Variants in CRLS1 observed in about 807,000 individuals in gnomAD.
CRLS1 encodes the protein cardiolipin synthase (CMP-forming).
In CRLS1, 24 loss-of-function variants were observed where a neutral mutation model predicts 37.0. The observed-to-expected ratio is 0.65, with a 90% confidence interval of 0.47 to 0.91. CRLS1 has a LOEUF of 0.91. Among genes scored for constraint, CRLS1 ranks in the 40% least tolerant of loss-of-function variants. CRLS1 has a pLI of 0.00. For missense variants in CRLS1, 373 were observed against 395.8 expected (o/e 0.94, Z 0.49); for synonymous variants, 135 against 159.7 (o/e 0.85, Z 1.17).
At chr20:6,026,546 G>T (rs1030436083) in intron 3 of CRLS1, among the ~76,000 whole-genome samples, 1 of 152,004 alleles carries the variant, frequency 6.6e-6, no homozygotes, top group African/African-American at 2.4e-5. Context: ...CCTCTATATT[G>T]GTTGTGTTTC....
At chr20:6,014,661 T>C (rs1373219619) in intron 2 of CRLS1, among the ~76,000 whole-genome samples, 2 of 152,174 alleles carry the variant, frequency 1.3e-5, no homozygotes, top group East Asian at 1.9e-4. Flanking sequence ...ATGGGAAGAA[T>C]TGAATACTTA....
intron 3 of CRLS1, among the ~76,000 whole-genome samples, chr20:6,026,995 A>G (rs1208924403): frequency 6.6e-6 from 1 of 152,028 alleles, no homozygotes; most frequent in African/African-American, 2.4e-5. Flanking sequence ...CAGCTTTGCT[A>G]TTGTAGCGTG....
intron 3 of CRLS1, among the ~76,000 whole-genome samples, chr20:6,019,403 G>A (rs534396879): frequency 6.6e-6 from 1 of 151,918 alleles, no homozygotes; most frequent in South Asian, 2.1e-4. Context: ...ACTCCTTGTG[G>A]AGCAGGGCTA....
chr20:6,017,799 T>C (rs1016161967), intron 3 of CRLS1, among the ~76,000 whole-genome samples: 1 of 152,218 alleles, frequency 6.6e-6, no homozygotes, highest in African/African-American at 2.4e-5. Flanking sequence ...ATCTACTCCA[T>C]TGAGGTCTGC....
At chr20:6,030,739 T>A (rs1004004505) in intron 3 of CRLS1, among the ~76,000 whole-genome samples, 42 of 152,072 alleles carry the variant, frequency 2.8e-4, no homozygotes, top group African/African-American at 1.0e-3. Context: ...AAATTCTGTT[T>A]CTCTACTAGT....
intron 3 of CRLS1, 71 bp downstream of exon 3, chr20:6,015,561 T>G: frequency 7.0e-7 from 1 of 1,436,386 alleles, no homozygotes; most frequent in Non-Finnish European, 9.8e-7. Flanking sequence ...GGATTTCTCT[T>G]GAGAGACAAA....
At chr20:6,022,885 C>T (rs1173911005) in intron 3 of CRLS1, among the ~76,000 whole-genome samples, 1 of 152,048 alleles carries the variant, frequency 6.6e-6, no homozygotes, top group Non-Finnish European at 1.5e-5. Flanking sequence ...TACAGTATAC[C>T]TATGTTAGAC....
chr20:6,035,275 C>G (rs765941365), intron 6 of CRLS1, among the ~76,000 whole-genome samples: 1 of 152,156 alleles, frequency 6.6e-6, no homozygotes, highest in Non-Finnish European at 1.5e-5. Flanking sequence ...TATCCCAGTT[C>G]ATCTTATACC....
chr20:6,006,889 C>T (rs977130103), intron 1 of CRLS1: 5 of 908,284 alleles, frequency 5.5e-6, no homozygotes, highest in South Asian at 5.1e-5. Context: ...GAAGTGAATC[C>T]CCAGTGTTTA....
At position 6,038,595 on chromosome 20, in the gene CRLS1, T is replaced by A. The variant is rs554071967; in HGVS notation, c.*1437T>A. The stretch of plus-strand genomic sequence containing the variant: ...GAGAAGGGGGCATGTGGCTGGCTAT[T>A]CTTGCTCTCTGGAGAACAGCTTCAT... On this transcript the variant is annotated 3_prime_UTR_variant, in exon 7 of 7. Coordinates refer to ENST00000378863, the MANE Select transcript of CRLS1 (RefSeq NM_019095.6). 5 of 152,462 alleles carry A rather than the reference T, an allele frequency of 3.3e-5. No homozygotes were observed. The highest frequency in any genetic ancestry group is 2.0e-4 in the Admixed American group (3 of 15,306). The allele number at this position is 152,462 out of a possible 1,614,324, so 9.4% of individuals were successfully genotyped here. A position where few individuals can be genotyped will look rare whatever the true frequency, so the allele number is the denominator to read the frequency against.
At chr20:6,031,153 G>A (rs1382334895) in intron 3 of CRLS1, 132 bp from the exon 4 acceptor site, 11 of 570,506 alleles carry the variant, frequency 1.9e-5, no homozygotes, top group Non-Finnish European at 2.7e-5. Context: ...CCATCGATAG[G>A]TGTTCATTAT....
At chr20:6,014,196 A>G (rs1299261596) in intron 2 of CRLS1, among the ~76,000 whole-genome samples, 1 of 152,202 alleles carries the variant, frequency 6.6e-6, no homozygotes, top group Non-Finnish European at 1.5e-5. Context: ...TGAGGTAGGT[A>G]ATTTATCTCT....
intron 2 of CRLS1, 104 bp downstream of exon 2, chr20:6,010,016 CCT>C (rs2090112072): frequency 8.9e-7 from 1 of 1,128,948 alleles, no homozygotes; most frequent in Non-Finnish European, 1.2e-6. Context: ...GGGAGGAAAA[CCT>C]CAAGATGAAT....
At position 6,011,572 on chromosome 20, in the gene CRLS1, C is replaced by CCTTTTTT. The variant is rs1161298827; in HGVS notation, c.444+1660_444+1661insCTTTTTT. The stretch of plus-strand genomic sequence containing the variant: ...TCTTTCTCCTTTTCTTTTGTCCCTG[C>CCTTTTTT]TTTTTTTTTTTTTTTTTTTTTTTTT... On this transcript the variant is annotated intron_variant, in intron 2 of 6. Coordinates refer to ENST00000378863, the MANE Select transcript of CRLS1 (RefSeq NM_019095.6). Among the ~76,000 whole-genome samples, 47 of 27,848 alleles carry CCTTTTTT rather than the reference C, an allele frequency of 1.7e-3. 6 individuals carry two copies. The highest frequency in any genetic ancestry group is 4.7e-3 in the African/African-American group (46 of 9,810). 18.3% of individuals were successfully genotyped at this position (27,848 alleles called of 152,430 possible).
At position 6,035,898 on chromosome 20, in the gene CRLS1, G is replaced by A. The variant is rs568206087; in HGVS notation, c.822-1176G>A. On this transcript the variant is annotated intron_variant, in intron 6 of 6. Transcript: ENST00000378863. ...CAGCTCACTGCAACCTCTACCACCC[G>A]GGTTCAAGCGATTCTCCTGCCTCAG... is the stretch of plus-strand genomic sequence containing the variant. Among the ~76,000 whole-genome samples, 101 of 151,932 alleles carry A rather than the reference G, an allele frequency of 6.6e-4. 1 individual carries two copies. The highest frequency in any genetic ancestry group is 2.3e-3 in the African/African-American group (97 of 41,410).
chr20:6,021,417 T>C (rs1979280451), intron 3 of CRLS1, among the ~76,000 whole-genome samples: 1 of 152,184 alleles, frequency 6.6e-6, no homozygotes, highest in African/African-American at 2.4e-5. Flanking sequence ...GAATTAGAAT[T>C]GTTACGTCTT....
chr20:6,022,431 C>T (rs779063314), intron 3 of CRLS1, among the ~76,000 whole-genome samples: 1 of 149,638 alleles, frequency 6.7e-6, no homozygotes, highest in Non-Finnish European at 1.5e-5. Flanking sequence ...CTCTGCCTCC[C>T]GGGCTCAAGC....
intron 3 of CRLS1, among the ~76,000 whole-genome samples, chr20:6,024,677 C>G (rs1359076543): frequency 6.6e-6 from 1 of 152,234 alleles, no homozygotes; most frequent in African/African-American, 2.4e-5. Flanking sequence ...AGGCTGAAAG[C>G]TAGGCCGGTT....
chr20:6,034,386 G>A, intron 5 of CRLS1, 78 bp from the exon 6 acceptor site: 1 of 910,256 alleles, frequency 1.1e-6, no homozygotes, highest in Non-Finnish European at 1.8e-6. Flanking sequence ...AGTGTGATGG[G>A]CTGTGCTTTT....
Sources: gnomAD v4.1 joint callset for allele counts (sites outside exome capture counted in the v4.1 genomes callset) on GRCh38, gnomAD v4.1.1 for gene constraint, MANE v1.5 for transcripts, NCBI Gene and HGNC (gene_info 2026-07-23, HGNC 2026-07-21) for gene names.